MPPED2: variants seen among roughly 807,000 people sequenced by gnomAD.
MPPED2 encodes the protein metallophosphoesterase MPPED2.
MPPED2 carries 5 observed loss-of-function variants against 33.0 expected under a neutral mutation model. The observed-to-expected ratio is 0.15, with a 90% CI of 0.08 to 0.32. MPPED2 has a LOEUF of 0.32. MPPED2 is among the 10% of genes least tolerant of loss of function. The pLI is 1.00. For synonymous variants in MPPED2, 136 were observed against 141.9 expected, an observed-to-expected ratio of 0.96 and a Z score of 0.29; for missense variants, 275 against 372.1, an observed-to-expected ratio of 0.74 and a Z score of 2.15.
chr11:30,556,502 T>C lies in MPPED2; in HGVS notation c.129-20327A>G, dbSNP rs139927736. On this transcript the variant is annotated intron_variant, in intron 2 of 6. Transcript: ENST00000358117. ...CCACATGGTTTTATCATGAACATTGTTTGGAAAAGAAAATAAAATAGTCAA... is the reference window on the plus strand; with the variant it reads ...CCACATGGTTTTATCATGAACATTGCTTGGAAAAGAAAATAAAATAGTCAA... Among the ~76,000 whole-genome samples the C allele has an allele frequency of 3.2e-3, 494 of 152,306 alleles. 1 individual carries two copies. The highest frequency in any genetic ancestry group is 0.02 in the Middle Eastern group (6 of 294).
chr11:30,404,752 C>T (rs1947963195), intron 6 of MPPED2, among the ~76,000 whole-genome samples: 1 of 152,194 alleles, frequency 6.6e-6, no homozygotes, highest in African/African-American at 2.4e-5. Flanking sequence ...AAGACTCTTT[C>T]ATGGTAAATA....
chr11:30,496,899 G>A (rs1199970591), intron 3 of MPPED2, among the ~76,000 whole-genome samples: 1 of 152,060 alleles, frequency 6.6e-6, no homozygotes, highest in African/African-American at 2.4e-5. Context: ...CTTTTCTTTA[G>A]TTATTAATTG....
intron 2 of MPPED2, among the ~76,000 whole-genome samples, chr11:30,539,469 G>GA (rs1356591280): frequency 1.3e-5 from 2 of 152,064 alleles, no homozygotes; most frequent in African/African-American, 2.4e-5. Flanking sequence ...GGGAAGATGA[G>GA]AAAAAAACAT....
At position 30,482,800 on chromosome 11, in the gene MPPED2, T is replaced by G. The variant is rs1297587740; in HGVS notation, c.536+12496A>C. ...AGTTACAAAGTCTCAGAACTGACTT[T>G]AGAGCACTGTTAAGCCTGTGGTTTA... On this transcript the variant is annotated intron_variant, in intron 4 of 6. Coordinates refer to ENST00000358117, the MANE Select transcript of MPPED2 (RefSeq NM_001584.3). Among the ~76,000 whole-genome samples, 3 of 152,188 alleles carry G rather than the reference T, an allele frequency of 2.0e-5. No homozygotes were observed. In the South Asian group the frequency reaches 6.2e-4, roughly 31 times the overall value.
At chr11:30,531,353 G>A (rs6484488) in intron 3 of MPPED2, among the ~76,000 whole-genome samples, 34,540 of 152,036 alleles carry the variant, frequency 0.23, 4,267 homozygotes, top group East Asian at 0.41. Flanking sequence ...ATGGAGGACT[G>A]GGATGTCTGA....
At chr11:30,524,488 T>C (rs935655532) in intron 3 of MPPED2, among the ~76,000 whole-genome samples, 21 of 152,148 alleles carry the variant, frequency 1.4e-4, no homozygotes, top group African/African-American at 4.6e-4. Flanking sequence ...GGAGGGCCCA[T>C]AACAAAGAGA....
At chr11:30,568,077 A>G (rs1956524901) in intron 2 of MPPED2, among the ~76,000 whole-genome samples, 1 of 152,210 alleles carries the variant, frequency 6.6e-6, no homozygotes, top group Admixed American at 6.5e-5. Flanking sequence ...AAGACACACA[A>G]TATTATTAAC....
At chr11:30,513,137 G>A (rs576985794) in intron 3 of MPPED2, among the ~76,000 whole-genome samples, 7 of 152,070 alleles carry the variant, frequency 4.6e-5, no homozygotes, top group Admixed American at 1.3e-4. Flanking sequence ...TCTCTAATGA[G>A]AGACAAGATC....
At chr11:30,585,802 T>C (rs1957439606) in intron 1 of MPPED2, among the ~76,000 whole-genome samples, 1 of 151,944 alleles carries the variant, frequency 6.6e-6, no homozygotes, top group African/African-American at 2.4e-5. Context: ...GGGTTGAAAA[T>C]CAGCCCTCCC....
At chr11:30,560,298 A>G (rs1425240502) in intron 2 of MPPED2, among the ~76,000 whole-genome samples, 1 of 151,418 alleles carries the variant, frequency 6.6e-6, no homozygotes, top group African/African-American at 2.4e-5. Flanking sequence ...AAGATGACTA[A>G]CAAGTTTTTT....
At chr11:30,407,157 C>T (rs1320315552), downstream of MPPED2, among the ~76,000 whole-genome samples, 2 of 152,194 alleles carry the variant, frequency 1.3e-5, no homozygotes. Flanking sequence ...AGGCTGGCCA[C>T]CTGTCAGAAT....
At chr11:30,444,834 A>G (rs915098287) in intron 4 of MPPED2, among the ~76,000 whole-genome samples, 1 of 152,184 alleles carries the variant, frequency 6.6e-6, no homozygotes, top group Non-Finnish European at 1.5e-5. Flanking sequence ...AATCCCCATC[A>G]CCATGTTTAA....
chr11:30,507,561 A>G (rs1160191556), intron 3 of MPPED2, among the ~76,000 whole-genome samples: 2 of 152,196 alleles, frequency 1.3e-5, no homozygotes, highest in African/African-American at 4.8e-5. Context: ...TTTACAAAGA[A>G]ACCCCTCAGA....
intron 3 of MPPED2, among the ~76,000 whole-genome samples, chr11:30,515,460 G>A (rs539757603): frequency 6.6e-6 from 1 of 152,106 alleles, no homozygotes; most frequent in East Asian, 1.9e-4. Context: ...AGATTCTGAT[G>A]GGCAGTCAGG....
downstream of MPPED2, chr11:30,384,351 T>C (rs1019097076): frequency 6.6e-6 from 1 of 152,212 alleles, no homozygotes; most frequent in African/African-American, 2.4e-5. Flanking sequence ...TTCCTATTAG[T>C]ACTGTTAGGA....
At chr11:30,535,931 G>A (rs961113945) in intron 3 of MPPED2, 63 bp downstream of exon 3, 76 of 1,400,666 alleles carry the variant, frequency 5.4e-5, no homozygotes, top group Middle Eastern at 2.5e-4. Context: ...CAATTAGGAC[G>A]CAGTGAGTGA....
chr11:30,395,574 G>A (rs531729028), intron 6 of MPPED2, among the ~76,000 whole-genome samples: 1 of 152,212 alleles, frequency 6.6e-6, no homozygotes, highest in South Asian at 2.1e-4. Context: ...CCTCTCATGA[G>A]TTCCCAAAGG....
downstream of MPPED2, chr11:30,410,112 C>A (rs1948050780): frequency 2.0e-6 from 2 of 985,064 alleles, no homozygotes; most frequent in Non-Finnish European, 2.4e-6. Context: ...GGAAAAAAAT[C>A]ACTTATTCTA....
At chr11:30,459,411 A>G (rs527409369) in intron 4 of MPPED2, among the ~76,000 whole-genome samples, 6 of 151,876 alleles carry the variant, frequency 4.0e-5, no homozygotes, top group Non-Finnish European at 7.4e-5. Flanking sequence ...TGACAACTCT[A>G]ATTTTATAAT....
Sources: allele counts gnomAD v4.1 joint callset (sites outside exome capture counted in the v4.1 genomes callset), GRCh38; gene constraint gnomAD v4.1.1; transcripts MANE v1.5; gene names NCBI Gene and HGNC (gene_info 2026-07-23, HGNC 2026-07-21).